The following MUTYH variants were observed in gnomAD, a reference collection of about 807,000 sequenced individuals.
MUTYH encodes the protein mutY DNA glycosylase, also known as adenine DNA glycosylase.
Under a neutral mutation model 72.9 loss-of-function variants are expected in MUTYH, and 64 were observed. The ratio of observed to expected loss-of-function variants is 0.88; its 90% CI spans 0.72 to 1.08. The LOEUF is 1.08. Ranked by LOEUF, MUTYH falls within the 50% of genes least tolerant of loss-of-function variation. The pLI is 0.00. For missense variants in MUTYH, 633 were observed against 671.0 expected, an observed-to-expected ratio of 0.94 and a Z score of 0.63; for synonymous variants, 234 against 263.1, an observed-to-expected ratio of 0.89 and a Z score of 1.07.
rs1180530486 is a variant in MUTYH, at chr1:45,332,178, C to T, written c.837G>A (p.Arg279=). Residue 279 remains arginine (R), a synonymous_variant, in exon 10 of 16, where the codon CGG becomes CGA. Coordinates refer to ENST00000456914, the MANE Select transcript of MUTYH (RefSeq NM_001048174.2). ...CSQCPVESLC[R]ARQRVEQEQL... ...CCAGTAGGCTTACTCTCTGGCGTGC[C>T]CGGCACAGGCTCTCCACAGGGCACT... The T allele has an allele frequency of 1.9e-6, 3 of 1,614,088 alleles. No individual in the cohort carries two copies. Among genetic ancestry groups the T allele is most frequent in the Non-Finnish European group, 2.5e-6 (3 of 1,180,042 alleles).
In MUTYH at chr1:45,334,511, C is replaced by T. The variant is rs375349172; in HGVS notation, c.-6G>A. 2.5e-6 allele frequency: 4 copies of T among 1,613,984 alleles called. No individual in the cohort carries two copies. Among genetic ancestry groups the T allele is most frequent in the Non-Finnish European group, 3.4e-6 (4 of 1,179,936 alleles). On this transcript the variant is annotated splice_region_variant and 5_prime_UTR_variant, in exon 2 of 16. Coordinates refer to ENST00000456914, the MANE Select transcript of MUTYH (RefSeq NM_001048174.2). Reference sequence around the variant, plus strand: ...GCTGCTCGTGGCTTCCTCATGATGGCCTGAAACAAAAAGACCCAGCCAAAG... The same window carrying T: ...GCTGCTCGTGGCTTCCTCATGATGGTCTGAAACAAAAAGACCCAGCCAAAG...
intron 1 of MUTYH, among the ~76,000 whole-genome samples, chr1:45,336,790 C>T (rs1353647641): frequency 6.6e-6 from 1 of 152,216 alleles, no homozygotes; most frequent in Admixed American, 6.5e-5. Flanking sequence ...ACACGTGAGA[C>T]ACCCCTCCCA....
At chr1:45,337,550 A>G (rs1158699360) in intron 1 of MUTYH, among the ~76,000 whole-genome samples, 1 of 150,292 alleles carries the variant, frequency 6.7e-6, no homozygotes, top group African/African-American at 2.5e-5. Flanking sequence ...TTCTTTTTTA[A>G]ATACTGTAGG....
chr1:45,333,956 G>C, intron 2 of MUTYH: 1 of 382,528 alleles, frequency 2.6e-6, no homozygotes, highest in Non-Finnish European at 4.9e-6. Context: ...CAGCCATTCA[G>C]AGCAATTGTC....
chr1:45,335,618 A>G (rs1363338105), intron 1 of MUTYH, among the ~76,000 whole-genome samples: 1 of 152,094 alleles, frequency 6.6e-6, no homozygotes, highest in African/African-American at 2.4e-5. Context: ...ACACTGCGGG[A>G]GGCTAAGGCA....
rs765808018 is a variant in MUTYH, at chr1:45,331,843, T to C, written c.920A>G (p.Asn307Ser). 7 of 1,603,076 alleles carry C rather than the reference T, an allele frequency of 4.4e-6. No individual in the cohort carries two copies. Among genetic ancestry groups the C allele is most frequent in the Middle Eastern group, 1.7e-4 (1 of 5,880 alleles). Residue 307 changes from asparagine to serine, a missense_variant, in exon 12 of 16, where the codon AAC (asparagine) becomes AGC (serine). Asn to Ser is a conservative substitution (Grantham distance 46). Coordinates refer to ENST00000456914, the MANE Select transcript of MUTYH (RefSeq NM_001048174.2). ...CAGGCACAGGTGGCACTGTCCAGTG[T>C]TGGGAGCTGGGAACGGAGATCCCCG... ...GSPDVEECAP[N>S]TGQCHLCLPP...
intron 15 of MUTYH, 78 bp from the exon 16 acceptor site, chr1:45,329,515 T>C (rs1311758756): frequency 1.9e-6 from 3 of 1,560,538 alleles, no homozygotes; most frequent in East Asian, 2.2e-5. Flanking sequence ...CCTCTCTCCC[T>C]TTCCCCGACT....
intron 2 of MUTYH, chr1:45,334,077 A>T (rs890827567): frequency 5.0e-6 from 2 of 398,500 alleles, no homozygotes; most frequent in Non-Finnish European, 9.6e-6. Context: ...CATTATCTTG[A>T]CTCAGTGCAA....
At chr1:45,330,644 C>T in intron 14 of MUTYH, 87 bp from the exon 15 acceptor site, 1 of 1,469,802 alleles carries the variant, frequency 6.8e-7, no homozygotes, top group Non-Finnish European at 9.3e-7. Context: ...TGTCCCAGTA[C>T]TTTTGTTTAA....
chr1:45,330,480 G>T, intron 15 of MUTYH, 36 bp downstream of exon 15: 1 of 1,597,506 alleles, frequency 6.3e-7, no homozygotes. Context: ...ACTCAGGCCT[G>T]GGGAGACACG....
chr1:45,330,557 C>A lies in MUTYH; in HGVS notation c.1393G>T (p.Val465Phe), dbSNP rs587782228. Residue 465 changes from valine to phenylalanine, a missense_variant and splice_region_variant, in exon 15 of 16, where the codon GTT becomes TTT. Transcript: ENST00000456914. ...TAAVSTAMKKVFRVYQGQQPG... is the reference protein window; with the variant it reads ...TAAVSTAMKKFFRVYQGQQPG... ...TGTTGGCCCTGATACACACGGAAAA[C>A]CTAGACAAGAAGACAGGGAGGTGAG... is the stretch of plus-strand genomic sequence containing the variant. The A allele has an allele frequency of 4.4e-5, 70 of 1,608,158 alleles. No individual in the cohort carries two copies. Among genetic ancestry groups the A allele is most frequent in the Non-Finnish European group, 5.7e-5 (67 of 1,177,114 alleles).
intron 14 of MUTYH, 136 bp downstream of exon 14, chr1:45,331,046 T>C (rs969992304): frequency 3.6e-5 from 43 of 1,201,980 alleles, no homozygotes; most frequent in Middle Eastern, 2.0e-4. Flanking sequence ...GATAGCGCCA[T>C]TGCACTCCAG....
chr1:45,334,526 C>A lies in MUTYH; in HGVS notation c.-6-15G>T. ...CTCATGATGGCCTGAAACAAAAAGA[C>A]CCAGCCAAAGCAGTCAGTCACAATG... is the stretch of plus-strand genomic sequence containing the variant. On this transcript the variant is annotated splice_polypyrimidine_tract_variant and intron_variant, in intron 1 of 15. Coordinates refer to ENST00000456914, the MANE Select transcript of MUTYH (RefSeq NM_001048174.2). 6.2e-7 allele frequency: 1 copy of A among 1,614,000 alleles called. No homozygotes were observed. The highest frequency in any genetic ancestry group is 2.2e-5 in the East Asian group (1 of 44,872).
chr1:45,339,919 G>C lies in MUTYH; in HGVS notation c.-27C>G. 6.9e-7 allele frequency: 1 copy of C among 1,445,206 alleles called. No homozygotes were observed. The highest frequency in any genetic ancestry group is 9.3e-7 in the Non-Finnish European group (1 of 1,079,058). The allele number at this position is 1,445,206 out of a possible 1,614,324, so 89.5% of individuals were successfully genotyped here. A position where few individuals can be genotyped will look rare whatever the true frequency, so the allele number is the denominator to read the frequency against. ...GCTACCCGCGGCCCACGCTGATGAA[G>C]ACAGCAGAACACGGAGGCCCCGCGT... On this transcript the variant is annotated 5_prime_UTR_variant, in exon 1 of 16. Transcript: ENST00000456914.
At chr1:45,339,205 A>AG (rs1458816211) in intron 1 of MUTYH, among the ~76,000 whole-genome samples, 6 of 118,230 alleles carry the variant, frequency 5.1e-5, no homozygotes, top group Non-Finnish European at 8.5e-5. Context: ...TCCAATAGGA[A>AG]TTTTTTTTTT....
At position 45,332,761 on chromosome 1, in the gene MUTYH, ACCTTCCGAGCTCCCT is replaced by A. The variant is rs766553845; in HGVS notation, c.479_492+1del. On this transcript the variant is annotated splice_donor_variant and coding_sequence_variant, in exon 7 of 16. Coordinates refer to ENST00000456914, the MANE Select transcript of MUTYH (RefSeq NM_001048174.2). LOFTEE classifies it high-confidence loss of function. Reference sequence around the variant, plus strand: ...GTTCCTACCCTCCTGCCATCCCCTTACCTTCCGAGCTCCCTCCTGCAGCCGCCGGCCACGAGAATA... The same window carrying A: ...GTTCCTACCCTCCTGCCATCCCCTTACCTGCAGCCGCCGGCCACGAGAATA... 6.2e-7 allele frequency: 1 copy of A among 1,613,788 alleles called. No homozygotes were observed. The highest frequency in any genetic ancestry group is 8.5e-7 in the Non-Finnish European group (1 of 1,179,952).
intron 1 of MUTYH, among the ~76,000 whole-genome samples, chr1:45,337,831 A>G (rs946486253): frequency 6.6e-6 from 1 of 152,226 alleles, no homozygotes; most frequent in Non-Finnish European, 1.5e-5. Context: ...TAAAACATCA[A>G]AAGTTCCTGC....
chr1:45,332,180 G>A lies in MUTYH; in HGVS notation c.835C>T (p.Arg279Trp), dbSNP rs759822330. The A allele has an allele frequency of 1.2e-5, 19 of 1,614,080 alleles. No individual in the cohort carries two copies. The highest frequency in any genetic ancestry group is 1.0e-4 in the Admixed American group (6 of 60,004). Reference sequence around the variant, plus strand: ...AGTAGGCTTACTCTCTGGCGTGCCCGGCACAGGCTCTCCACAGGGCACTGG... The same window carrying A: ...AGTAGGCTTACTCTCTGGCGTGCCCAGCACAGGCTCTCCACAGGGCACTGG... ...CSQCPVESLC[R>W]ARQRVEQEQL... Residue 279 changes from arginine (R) to tryptophan (W), a missense_variant, in exon 10 of 16, where the codon CGG becomes TGG. Physicochemically the swap from Arg to Trp is moderately radical, Grantham distance 101. Coordinates refer to ENST00000456914, the MANE Select transcript of MUTYH (RefSeq NM_001048174.2).
In MUTYH at chr1:45,331,675, T is replaced by C. The variant is rs984795084; in HGVS notation, c.1088A>G (p.Gln363Arg). 7 of 1,613,994 alleles carry C rather than the reference T, an allele frequency of 4.3e-6. No individual in the cohort carries two copies. Among genetic ancestry groups the C allele is most frequent in the Middle Eastern group, 1.6e-4 (1 of 6,062 alleles). ...TATCCAGGTACCTGAGTTGGGCCTC[T>C]GCACCAGCAGAATTTGGGCCCCAAG... ...GALGAQILLVQRPNSGLLAGL... is the reference protein window; with the variant it reads ...GALGAQILLVRRPNSGLLAGL... Residue 363 changes from glutamine (Q) to arginine (R), a missense_variant, in exon 12 of 16, where the codon CAG becomes CGG. By Grantham distance (43) the Gln-to-Arg change is conservative. Transcript: ENST00000456914.
Sources: allele counts gnomAD v4.1 joint callset (sites outside exome capture counted in the v4.1 genomes callset), GRCh38; gene constraint gnomAD v4.1.1; transcripts MANE v1.5; gene names NCBI Gene and HGNC (gene_info 2026-07-23, HGNC 2026-07-21).